IMMP1L: variants seen among roughly 807,000 people sequenced by gnomAD.
IMMP1L encodes the protein inner mitochondrial membrane peptidase subunit 1.
IMMP1L carries 24 observed loss-of-function variants against 21.8 expected under a neutral mutation model. The ratio of observed to expected loss-of-function variants is 1.10; its 90% CI spans 0.80 to 1.55. IMMP1L has a LOEUF of 1.55. Among genes scored for constraint, IMMP1L ranks in the 40% most tolerant of loss-of-function variants. The probability of loss-of-function intolerance (pLI) is 0.00; values close to 1 mark genes in which losing one functional copy is unlikely to be tolerated. For synonymous variants in IMMP1L, 46 were observed against 62.8 expected (o/e 0.73, Z 1.26); for missense variants, 195 against 200.7 (o/e 0.97, Z 0.17).
At chr11:31,489,622 T>C (rs1044682243) in intron 1 of IMMP1L, among the ~76,000 whole-genome samples, 22 of 152,340 alleles carry the variant, frequency 1.4e-4, no homozygotes, top group African/African-American at 5.3e-4. Flanking sequence ...TCTCTTGCCT[T>C]TGCTTTTACA....
At chr11:31,448,101 G>A (rs1248339529) in intron 4 of IMMP1L, among the ~76,000 whole-genome samples, 2 of 152,116 alleles carry the variant, frequency 1.3e-5, no homozygotes, top group East Asian at 3.9e-4. Context: ...TTGAGGTCAG[G>A]AGTTCGAGAC....
chr11:31,460,221 A>C (rs1247891392), intron 3 of IMMP1L, among the ~76,000 whole-genome samples: 2 of 152,142 alleles, frequency 1.3e-5, no homozygotes, highest in African/African-American at 4.8e-5. Flanking sequence ...GACTACATAT[A>C]AAGTAAGATA....
intron 4 of IMMP1L, among the ~76,000 whole-genome samples, chr11:31,440,038 C>G (rs1953267073): frequency 6.6e-6 from 1 of 152,176 alleles, no homozygotes; most frequent in Non-Finnish European, 1.5e-5. Context: ...TTCTGGAGAT[C>G]TTTCTTTAGC....
chr11:31,476,744 G>A (rs1954743585), intron 1 of IMMP1L, among the ~76,000 whole-genome samples: 1 of 152,032 alleles, frequency 6.6e-6, no homozygotes, highest in South Asian at 2.1e-4. Context: ...AGTCTTGGCA[G>A]TTACGTTGCA....
At chr11:31,467,688 T>C (rs1031777738) in intron 1 of IMMP1L, among the ~76,000 whole-genome samples, 3 of 152,070 alleles carry the variant, frequency 2.0e-5, no homozygotes, top group Admixed American at 6.6e-5. Flanking sequence ...AGTGTAATAA[T>C]TGACTCAGAC....
chr11:31,483,388 T>G (rs1372728005), intron 1 of IMMP1L, among the ~76,000 whole-genome samples: 1 of 152,014 alleles, frequency 6.6e-6, no homozygotes, highest in Non-Finnish European at 1.5e-5. Context: ...CATAAGAAAT[T>G]TAGGAACTGA....
At chr11:31,443,008 A>G (rs932676607) in intron 4 of IMMP1L, among the ~76,000 whole-genome samples, 5 of 151,878 alleles carry the variant, frequency 3.3e-5, no homozygotes, top group African/African-American at 9.7e-5. Context: ...ATGAATGTAT[A>G]TTAAAAAGAT....
At chr11:31,452,820 G>A (rs760499144) in intron 4 of IMMP1L, 28 of 851,254 alleles carry the variant, frequency 3.3e-5, no homozygotes, top group South Asian at 5.4e-5. Flanking sequence ...GCGCGATCTC[G>A]GCTCACTGCA....
chr11:31,504,313 C>T (rs777031991), intron 1 of IMMP1L, among the ~76,000 whole-genome samples: 6 of 152,062 alleles, frequency 3.9e-5, no homozygotes, highest in East Asian at 1.9e-4. Context: ...TATTTGGAAA[C>T]GAACTCTTAT....
intron 1 of IMMP1L, among the ~76,000 whole-genome samples, chr11:31,474,096 C>T (rs1444790557): frequency 3.3e-5 from 5 of 152,148 alleles, no homozygotes; most frequent in African/African-American, 1.2e-4. Flanking sequence ...AGTTTTGCCA[C>T]ATTTACCTTC....
At chr11:31,487,364 T>G (rs1284911087) in intron 1 of IMMP1L, among the ~76,000 whole-genome samples, 1 of 152,148 alleles carries the variant, frequency 6.6e-6, no homozygotes, top group African/African-American at 2.4e-5. Flanking sequence ...AGAAAATGCA[T>G]GCTCATTAAT....
chr11:31,473,672 G>A (rs1442583904), intron 1 of IMMP1L: 1 of 734,528 alleles, frequency 1.4e-6, no homozygotes, highest in African/African-American at 1.9e-5. Context: ...TCTGGGCATA[G>A]GCATCCAATT....
At chr11:31,509,050 T>C (rs1340126747) in intron 1 of IMMP1L, among the ~76,000 whole-genome samples, 1 of 152,162 alleles carries the variant, frequency 6.6e-6, no homozygotes, top group Non-Finnish European at 1.5e-5. Flanking sequence ...CACTTGTCAT[T>C]TACACCGCTT....
chr11:31,443,046 T>C lies in IMMP1L; in HGVS notation c.322-9476A>G, dbSNP rs140721620. ...CATTTTAGTCCAATAATTAATATTA[T>C]GTAATTGTTTTTTATCTTATTATCT... On this transcript the variant is annotated intron_variant, in intron 4 of 5. Coordinates refer to ENST00000532287, the MANE Select transcript of IMMP1L (RefSeq NM_001304274.2). 9.4e-4 allele frequency among the ~76,000 whole-genome samples: 143 copies of C among 152,322 alleles called. 1 individual carries two copies. The highest frequency in any genetic ancestry group is 3.1e-3 in the African/African-American group (127 of 41,588).
intron 1 of IMMP1L, among the ~76,000 whole-genome samples, chr11:31,468,023 A>G (rs188082958): frequency 5.8e-4 from 89 of 152,250 alleles, no homozygotes; most frequent in African/African-American, 2.1e-3. Context: ...ACCAGCTTGA[A>G]CACTTAAAAA....
intron 4 of IMMP1L, chr11:31,452,297 TATCACACAA>T (rs1953783078): frequency 1.0e-6 from 1 of 983,474 alleles, no homozygotes; most frequent in Non-Finnish European, 1.2e-6. Flanking sequence ...AGTCCTGGAT[TATCACACAA>T]TATTATACTA....
intron 1 of IMMP1L, among the ~76,000 whole-genome samples, chr11:31,474,930 G>A (rs1339807748): frequency 2.0e-5 from 3 of 152,048 alleles, no homozygotes; most frequent in East Asian, 1.9e-4. Context: ...CTGGGAACCC[G>A]GCTGCAGATT....
intron 1 of IMMP1L, among the ~76,000 whole-genome samples, chr11:31,487,682 G>A (rs1206009356): frequency 6.6e-6 from 1 of 151,970 alleles, no homozygotes; most frequent in Non-Finnish European, 1.5e-5. Context: ...ACAGGGAATG[G>A]AAATTATTAC....
At chr11:31,438,486 T>C (rs1240387529) in intron 4 of IMMP1L, among the ~76,000 whole-genome samples, 1 of 152,146 alleles carries the variant, frequency 6.6e-6, no homozygotes, top group Non-Finnish European at 1.5e-5. Flanking sequence ...TAAATGATGT[T>C]TTGACAAGCA....
Sources: allele counts gnomAD v4.1 joint callset (sites outside exome capture counted in the v4.1 genomes callset), GRCh38; gene constraint gnomAD v4.1.1; transcripts MANE v1.5; gene names NCBI Gene and HGNC (gene_info 2026-07-23, HGNC 2026-07-21).